OCA2: variants seen among roughly 807,000 people sequenced by gnomAD.
OCA2 encodes P protein.
OCA2 carries 77 observed loss-of-function variants against 100.2 expected under a neutral mutation model. The observed-to-expected ratio is 0.77, with a 90% CI of 0.64 to 0.93. The LOEUF (loss-of-function observed/expected upper bound fraction) is 0.93. Among genes scored for constraint, OCA2 ranks in the 40% least tolerant of loss-of-function variants. The probability of loss-of-function intolerance (pLI) is 0.00; values close to 1 mark genes in which losing one functional copy is unlikely to be tolerated. For missense variants in OCA2, 1,062 were observed against 1,089.1 expected, an observed-to-expected ratio of 0.98 and a Z score of 0.35; for synonymous variants, 432 against 439.2, an observed-to-expected ratio of 0.98 and a Z score of 0.21.
intron 1 of OCA2, 126 bp from the exon 2 acceptor site, chr15:28,082,021 C>T: frequency 1.3e-6 from 1 of 778,100 alleles, no homozygotes; most frequent in Non-Finnish European, 2.1e-6. Flanking sequence ...AGCATCCTAA[C>T]CACGCAAGAG....
At chr15:28,042,065 T>C (rs2043217630) in intron 2 of OCA2, among the ~76,000 whole-genome samples, 1 of 152,178 alleles carries the variant, frequency 6.6e-6, no homozygotes, top group African/African-American at 2.4e-5. Flanking sequence ...TTGTAAAAAC[T>C]AAACTTCATA....
chr15:28,013,952 C>G (rs1339883166), intron 9 of OCA2, among the ~76,000 whole-genome samples: 2 of 152,176 alleles, frequency 1.3e-5, no homozygotes, highest in African/African-American at 4.8e-5. Flanking sequence ...GAGGGCTCAA[C>G]TTACTGGGGT....
At chr15:27,748,559 C>A in the OCA2 span, among the ~76,000 whole-genome samples, 1 of 152,200 alleles carries the variant, frequency 6.6e-6, no homozygotes, top group South Asian at 2.1e-4. Flanking sequence ...AAAAGGGTAA[C>A]TGCTTGCTAA....
intron 19 of OCA2, among the ~76,000 whole-genome samples, chr15:27,898,060 C>G (rs1396955226): frequency 3.3e-5 from 5 of 152,128 alleles, no homozygotes; most frequent in African/African-American, 1.2e-4. Context: ...GCTTGTACCC[C>G]CATTATATCT....
chr15:27,808,279 G>A (rs565204863), intron 23 of OCA2, among the ~76,000 whole-genome samples: 28 of 152,372 alleles, frequency 1.8e-4, no homozygotes, highest in East Asian at 1.4e-3. Context: ...CAGAACAGCC[G>A]GAGGATGTTA....
chr15:28,013,665 T>C (rs116665540), intron 9 of OCA2, among the ~76,000 whole-genome samples: 2,038 of 152,094 alleles, frequency 0.013, 41 homozygotes, highest in African/African-American at 0.047. Flanking sequence ...TGGGCCCACC[T>C]GGGAGAGGAG....
At chr15:28,007,362 G>A (rs954215255) in intron 9 of OCA2, among the ~76,000 whole-genome samples, 3 of 152,332 alleles carry the variant, frequency 2.0e-5, no homozygotes, top group Middle Eastern at 3.4e-3. Context: ...TCCCAGAGCC[G>A]TATTATAGAT....
At chr15:27,819,471 C>T (rs138692335) in intron 23 of OCA2, among the ~76,000 whole-genome samples, 14 of 152,292 alleles carry the variant, frequency 9.2e-5, no homozygotes, top group African/African-American at 3.1e-4. Context: ...ATACTGTGGA[C>T]GCTGAAGGCA....
chr15:27,992,676 T>C (rs1217894251), intron 9 of OCA2, among the ~76,000 whole-genome samples: 5 of 152,194 alleles, frequency 3.3e-5, no homozygotes, highest in Non-Finnish European at 7.3e-5. Context: ...ATACAGCCCA[T>C]GGATGACAGG....
chr15:27,781,451 G>A (rs2032535898), intron 23 of OCA2, among the ~76,000 whole-genome samples: 1 of 152,154 alleles, frequency 6.6e-6, no homozygotes, highest in African/African-American at 2.4e-5. Context: ...TGCGGTTGTG[G>A]GGGTGTCTCA....
chr15:27,763,965 C>T (rs113460824), intron 23 of OCA2, among the ~76,000 whole-genome samples: 129 of 152,208 alleles, frequency 8.5e-4, no homozygotes, highest in South Asian at 8.1e-3. Context: ...AGAAACCCCT[C>T]AGGACACAGG....
At chr15:27,734,427 T>C in the OCA2 span, among the ~76,000 whole-genome samples, 3 of 151,900 alleles carry the variant, frequency 2.0e-5, no homozygotes, top group Non-Finnish European at 2.9e-5. Context: ...CAGCACAGGA[T>C]GGAGTGAGAT....
chr15:28,095,927 C>T (rs1488624592), intron 1 of OCA2, among the ~76,000 whole-genome samples: 5 of 152,184 alleles, frequency 3.3e-5, no homozygotes, highest in African/African-American at 1.2e-4. Context: ...CAAAGCGCTG[C>T]TTGGCCCCAA....
At chr15:27,738,306 CA>C in the OCA2 span, among the ~76,000 whole-genome samples, 1 of 152,160 alleles carries the variant, frequency 6.6e-6, no homozygotes. Context: ...CACATTCACA[CA>C]ATGGAATACC....
chr15:27,943,839 C>T (rs1567136435), intron 18 of OCA2, among the ~76,000 whole-genome samples: 3 of 152,136 alleles, frequency 2.0e-5, no homozygotes, highest in African/African-American at 4.8e-5. Flanking sequence ...CCCCCTGCTT[C>T]GAGTTGTCGC....
intron 23 of OCA2, among the ~76,000 whole-genome samples, chr15:27,832,616 G>A (rs2035004548): frequency 6.6e-6 from 1 of 152,076 alleles, no homozygotes; most frequent in African/African-American, 2.4e-5. Context: ...ACCCACACTG[G>A]GGATGGCTTA....
downstream of OCA2, among the ~76,000 whole-genome samples, chr15:27,754,393 C>T (rs1345796485): frequency 1.3e-5 from 2 of 152,214 alleles, no homozygotes; most frequent in East Asian, 3.9e-4. Context: ...GCTTGACACA[C>T]AATCACTTCG....
At chr15:28,048,736 T>C (rs1285265978) in intron 2 of OCA2, among the ~76,000 whole-genome samples, 1 of 152,118 alleles carries the variant, frequency 6.6e-6, no homozygotes, top group African/African-American at 2.4e-5. Flanking sequence ...CCGGGCACGG[T>C]GGCTCATGAC....
intron 19 of OCA2, chr15:27,896,072 C>A: frequency 5.0e-6 from 6 of 1,190,270 alleles, no homozygotes; most frequent in Non-Finnish European, 7.4e-6. Flanking sequence ...AGGTGACTGG[C>A]AAGGAATACA....
Sources: allele counts gnomAD v4.1 joint callset (sites outside exome capture counted in the v4.1 genomes callset), GRCh38; gene constraint gnomAD v4.1.1; transcripts MANE v1.5; gene names NCBI Gene and HGNC (gene_info 2026-07-23, HGNC 2026-07-21).